The following ZBTB20 variants were observed in gnomAD, a reference collection of about 807,000 sequenced individuals.
The protein encoded by ZBTB20 is zinc finger and BTB domain containing 20, also known as zinc finger and BTB domain-containing protein 20.
In ZBTB20, 9 loss-of-function variants were observed where a neutral mutation model predicts 56.9. The ratio of observed to expected loss-of-function variants is 0.16; its 90% CI spans 0.10 to 0.28. The LOEUF (loss-of-function observed/expected upper bound fraction) is 0.28, where lower values mean the gene tolerates loss of function less well. ZBTB20 is among the 10% of genes least tolerant of loss of function. ZBTB20 has a pLI of 1.00. For missense variants in ZBTB20, 655 were observed against 1,003.0 expected (o/e 0.65, Z 4.69); for synonymous variants, 417 against 420.7 (o/e 0.99, Z 0.11).
chr3:114,752,454 C>G (rs2067640172), intron 5 of ZBTB20, among the ~76,000 whole-genome samples: 1 of 152,184 alleles, frequency 6.6e-6, no homozygotes, highest in South Asian at 2.1e-4. Context: ...TTCTGAGAAG[C>G]TGTAGCCAGT....
intron 1 of ZBTB20, among the ~76,000 whole-genome samples, chr3:115,142,535 G>A (rs767491133): frequency 6.6e-6 from 1 of 151,816 alleles, no homozygotes; most frequent in Non-Finnish European, 1.5e-5. Context: ...GTGGCTGTGC[G>A]CGCCTGTAGT....
At chr3:114,813,163 G>A (rs903516786) in intron 4 of ZBTB20, among the ~76,000 whole-genome samples, 1 of 152,256 alleles carries the variant, frequency 6.6e-6, no homozygotes, top group African/African-American at 2.4e-5. Flanking sequence ...CCAGGCAGAG[G>A]AGGCGCCCAG....
chr3:114,967,349 T>C (rs2077687599), intron 3 of ZBTB20, among the ~76,000 whole-genome samples: 1 of 152,208 alleles, frequency 6.6e-6, no homozygotes, highest in Admixed American at 6.5e-5. Context: ...TTCCTCCATT[T>C]CAAATACTGA....
chr3:114,649,543 G>A (rs571570388), intron 6 of ZBTB20, among the ~76,000 whole-genome samples: 1 of 152,036 alleles, frequency 6.6e-6, no homozygotes, highest in Non-Finnish European at 1.5e-5. Flanking sequence ...TCATCAGGAT[G>A]TACTTCCTCT....
Position 115,005,705 on chromosome 3 carries a change from A to G in ZBTB20, c.-506-31289T>C, listed in dbSNP as rs893370482. 3.8e-4 allele frequency among the ~76,000 whole-genome samples: 57 copies of G among 151,804 alleles called. 1 individual carries two copies. Among genetic ancestry groups the G allele is most frequent in the African/African-American group, 1.4e-3 (57 of 41,400 alleles). On this transcript the variant is annotated intron_variant, in intron 2 of 11. Transcript: ENST00000675478. Reference sequence around the variant, plus strand: ...AATCTATCAACTTCTCTCTACCTCTACTGCTGCCTTCTTAGTTGAGGTCAC... The same window carrying G: ...AATCTATCAACTTCTCTCTACCTCTGCTGCTGCCTTCTTAGTTGAGGTCAC...
chr3:114,379,338 G>A (rs2084034446), intron 10 of ZBTB20, among the ~76,000 whole-genome samples: 1 of 152,164 alleles, frequency 6.6e-6, no homozygotes, highest in Non-Finnish European at 1.5e-5. Context: ...GGTATGTTAA[G>A]ACTAAAAGGA....
intron 1 of ZBTB20, among the ~76,000 whole-genome samples, chr3:115,107,969 C>T (rs2083771065): frequency 6.6e-6 from 1 of 152,130 alleles, no homozygotes; most frequent in South Asian, 2.1e-4. Flanking sequence ...AGGAACGACA[C>T]ACACCAGGGC....
intron 7 of ZBTB20, among the ~76,000 whole-genome samples, chr3:114,440,833 T>C (rs1353081287): frequency 6.6e-6 from 1 of 152,194 alleles, no homozygotes; most frequent in Non-Finnish European, 1.5e-5. Flanking sequence ...TCTCCTGGGA[T>C]ATCAGACAAA....
chr3:115,039,150 A>G (rs1469247128), intron 2 of ZBTB20, among the ~76,000 whole-genome samples: 2 of 152,036 alleles, frequency 1.3e-5, no homozygotes, highest in African/African-American at 4.8e-5. Flanking sequence ...GGGAGATGAC[A>G]TTCCCACTCT....
chr3:114,844,520 C>CATAAAAA (rs2074564889), intron 4 of ZBTB20, among the ~76,000 whole-genome samples: 1 of 22,804 alleles, frequency 4.4e-5, no homozygotes, highest in East Asian at 1.6e-3. Flanking sequence ...GTCCCTGTCT[C>CATAAAAA]AAAAAAAAAA....
chr3:114,494,714 T>C (rs1180260389), intron 7 of ZBTB20, among the ~76,000 whole-genome samples: 1 of 152,214 alleles, frequency 6.6e-6, no homozygotes, highest in Non-Finnish European at 1.5e-5. Flanking sequence ...ATCCACATTT[T>C]CCTGTAAGAG....
chr3:114,827,754 A>G (rs1000461266), intron 4 of ZBTB20, among the ~76,000 whole-genome samples: 5 of 151,762 alleles, frequency 3.3e-5, no homozygotes, highest in East Asian at 1.9e-4. Flanking sequence ...CAGTTCTTCA[A>G]TAAGAACCAA....
intron 1 of ZBTB20, among the ~76,000 whole-genome samples, chr3:115,133,856 T>C (rs2084579840): frequency 6.6e-6 from 1 of 152,242 alleles, no homozygotes; most frequent in African/African-American, 2.4e-5. Flanking sequence ...ATAAATTTTA[T>C]GTGAACATAT....
chr3:114,363,913 C>A (rs988384386), intron 10 of ZBTB20, among the ~76,000 whole-genome samples: 1 of 152,126 alleles, frequency 6.6e-6, no homozygotes, highest in Non-Finnish European at 1.5e-5. Flanking sequence ...TTATATACAT[C>A]GCTGATGAGG....
intron 7 of ZBTB20, among the ~76,000 whole-genome samples, chr3:114,476,699 T>C (rs1279068673): frequency 2.0e-5 from 3 of 152,220 alleles, no homozygotes; most frequent in African/African-American, 7.2e-5. Context: ...AGAGCCCTCA[T>C]GACTGAATCA....
intron 2 of ZBTB20, among the ~76,000 whole-genome samples, chr3:115,049,726 G>T (rs2081471402): frequency 6.6e-6 from 1 of 152,010 alleles, no homozygotes; most frequent in African/African-American, 2.4e-5. Flanking sequence ...TTTCTCAGAA[G>T]AAAGACTCTC....
At chr3:115,077,825 G>A (rs2082650492) in intron 1 of ZBTB20, among the ~76,000 whole-genome samples, 1 of 152,070 alleles carries the variant, frequency 6.6e-6, no homozygotes, top group African/African-American at 2.4e-5. Context: ...ATAGTCTGAA[G>A]TTTCCTCAAA....
chr3:114,967,412 C>G (rs1415989325), intron 3 of ZBTB20, among the ~76,000 whole-genome samples: 1 of 152,214 alleles, frequency 6.6e-6, no homozygotes, highest in Non-Finnish European at 1.5e-5. Context: ...TTTACCTAAA[C>G]TGACCTTTCT....
intron 6 of ZBTB20, among the ~76,000 whole-genome samples, chr3:114,655,498 C>T (rs11719736): frequency 0.058 from 8,730 of 150,848 alleles, 332 homozygotes; most frequent in Middle Eastern, 0.15. Context: ...ATGATCCACC[C>T]GCCTCGGCCT....
Sources: gnomAD v4.1 joint callset for allele counts (sites outside exome capture counted in the v4.1 genomes callset) on GRCh38, gnomAD v4.1.1 for gene constraint, MANE v1.5 for transcripts, NCBI Gene and HGNC (gene_info 2026-07-23, HGNC 2026-07-21) for gene names.